Variants in LRP1B observed in about 807,000 individuals in gnomAD.
LRP1B encodes the protein LDL receptor related protein 1B, also known as low-density lipoprotein receptor-related protein 1B.
LRP1B carries 217 observed loss-of-function variants against 556.6 expected under a neutral mutation model. That is an observed-to-expected ratio of 0.39 (90% CI 0.35 to 0.44). LRP1B has a LOEUF of 0.44. LRP1B is among the 20% of genes least tolerant of loss of function. LRP1B has a pLI of 1.00. For missense variants in LRP1B, 5,053 were observed against 5,620.8 expected (o/e 0.90, Z 3.23); for synonymous variants, 2,047 against 1,865.8 (o/e 1.10, Z -2.50).
At position 141,911,360 on chromosome 2, in the gene LRP1B, A is replaced by T. The variant is rs990976512; in HGVS notation, c.83-100959T>A. 3.3e-5 allele frequency among the ~76,000 whole-genome samples: 5 copies of T among 152,158 alleles called. No individual in the cohort carries two copies. The South Asian group carries it at 6.2e-4, about 19-fold the overall frequency. Reference sequence around the variant, plus strand: ...AAATTATCTTTCTTGAAAATTCCCGAAGTCATATAAGTAAAAGACTCTTTA... The same window carrying T: ...AAATTATCTTTCTTGAAAATTCCCGTAGTCATATAAGTAAAAGACTCTTTA... On this transcript the variant is annotated intron_variant, in intron 1 of 90. Coordinates refer to ENST00000389484, the MANE Select transcript of LRP1B (RefSeq NM_018557.3).
chr2:141,266,352 A>G (rs1345645403), intron 3 of LRP1B, among the ~76,000 whole-genome samples: 1 of 150,722 alleles, frequency 6.6e-6, no homozygotes, highest in African/African-American at 2.4e-5. Context: ...AAGAATATGC[A>G]TATATGCATA....
intron 2 of LRP1B, among the ~76,000 whole-genome samples, chr2:141,533,638 AACT>A (rs1684967221): frequency 6.6e-6 from 1 of 152,176 alleles, no homozygotes; most frequent in Admixed American, 6.6e-5. Context: ...GGACACCATT[AACT>A]TATACTGTCA....
chr2:140,413,788 T>C (rs748771043), intron 66 of LRP1B, among the ~76,000 whole-genome samples: 9 of 152,154 alleles, frequency 5.9e-5, no homozygotes, highest in Non-Finnish European at 1.0e-4. Context: ...TTTCAGAAAG[T>C]TTGCAAGGCT....
intron 7 of LRP1B, among the ~76,000 whole-genome samples, chr2:141,086,636 G>A (rs1330217133): frequency 6.6e-6 from 1 of 151,708 alleles, no homozygotes; most frequent in African/African-American, 2.4e-5. Context: ...GTGTGTGTGT[G>A]TGTGTGTGTG....
At chr2:140,324,904 T>TA (rs35622188) in intron 80 of LRP1B, among the ~76,000 whole-genome samples, 101 of 144,740 alleles carry the variant, frequency 7.0e-4, no homozygotes, top group East Asian at 1.8e-3. Flanking sequence ...GGCCATTGAT[T>TA]AAAAAAAAAA....
chr2:141,252,700 C>T (rs1250739591), intron 4 of LRP1B, among the ~76,000 whole-genome samples: 1 of 152,064 alleles, frequency 6.6e-6, no homozygotes, highest in Non-Finnish European at 1.5e-5. Context: ...TTCTACTTAG[C>T]CAGAATGCAC....
chr2:141,030,723 A>G (rs1304366909), intron 11 of LRP1B, among the ~76,000 whole-genome samples: 2 of 152,092 alleles, frequency 1.3e-5, no homozygotes, highest in Non-Finnish European at 2.9e-5. Flanking sequence ...TATTTCTTCA[A>G]GTTATCTAAA....
intron 1 of LRP1B, among the ~76,000 whole-genome samples, chr2:141,815,406 C>G (rs1249295558): frequency 6.6e-6 from 1 of 152,122 alleles, no homozygotes; most frequent in African/African-American, 2.4e-5. Flanking sequence ...TAAAATGCAC[C>G]AATCAGCACT....
At chr2:141,331,635 A>G (rs1687662254) in intron 3 of LRP1B, among the ~76,000 whole-genome samples, 1 of 151,882 alleles carries the variant, frequency 6.6e-6, no homozygotes, top group Admixed American at 6.6e-5. Flanking sequence ...AACACTGATC[A>G]TTCTCCCTTC....
At chr2:141,773,649 C>T (rs1558866519) in intron 2 of LRP1B, among the ~76,000 whole-genome samples, 2 of 152,194 alleles carry the variant, frequency 1.3e-5, no homozygotes, top group South Asian at 4.1e-4. Flanking sequence ...CTGCTAACTC[C>T]CAAAAGCACA....
chr2:140,589,665 T>C (rs1297288772), intron 43 of LRP1B, among the ~76,000 whole-genome samples: 1 of 152,212 alleles, frequency 6.6e-6, no homozygotes, highest in Non-Finnish European at 1.5e-5. Context: ...CCAGAGAATT[T>C]TACTGAATGG....
At chr2:141,038,535 G>A (rs1477404552) in intron 11 of LRP1B, among the ~76,000 whole-genome samples, 1 of 152,002 alleles carries the variant, frequency 6.6e-6, no homozygotes, top group Non-Finnish European at 1.5e-5. Context: ...AAACATACTG[G>A]TTACACAATG....
chr2:140,724,428 G>T (rs1296084920), intron 35 of LRP1B, among the ~76,000 whole-genome samples: 3 of 152,162 alleles, frequency 2.0e-5, no homozygotes, highest in Non-Finnish European at 4.4e-5. Flanking sequence ...ACAAGTTTAT[G>T]TTTAGCTTAT....
Position 140,366,710 on chromosome 2 carries a change from G to C in LRP1B, c.11009-1927C>G, listed in dbSNP as rs533655419. ...ATGTAACTAATGCTAAGCAGGTTTA[G>C]TGAAATGGTGGTTGGTTTAATGAAA... On this transcript the variant is annotated intron_variant, in intron 71 of 90. Coordinates refer to ENST00000389484, the MANE Select transcript of LRP1B (RefSeq NM_018557.3). 7.9e-5 allele frequency among the ~76,000 whole-genome samples: 12 copies of C among 151,820 alleles called. No homozygotes were observed. The South Asian group carries it at 2.5e-3, about 31-fold the overall frequency.
At chr2:140,532,671 A>G in intron 47 of LRP1B, among the ~76,000 whole-genome samples, 1 of 151,982 alleles carries the variant, frequency 6.6e-6, no homozygotes, top group Non-Finnish European at 1.5e-5. Flanking sequence ...CTGGGATTAC[A>G]GGCATGAGCC....
chr2:141,286,740 A>G, intron 3 of LRP1B: 1 of 445,356 alleles, frequency 2.2e-6, no homozygotes, highest in African/African-American at 2.0e-5. Context: ...GAATTTGTAC[A>G]TTGAATTTGT....
rs1222446596 is a variant in LRP1B at position 141,134,015 on chromosome 2, G to A, written c.1013+54406C>T. ...CATGCATACCCAGAGAGAGGGACTT[G>A]ATCTCTTACTCTTTTATTTCCTTTC... is the stretch of plus-strand genomic sequence containing the variant. On this transcript the variant is annotated intron_variant, in intron 7 of 90. Coordinates refer to ENST00000389484, the MANE Select transcript of LRP1B (RefSeq NM_018557.3). Among the ~76,000 whole-genome samples the A allele has an allele frequency of 2.0e-5, 3 of 151,822 alleles. No individual in the cohort carries two copies. In the East Asian group the frequency reaches 5.8e-4, roughly 30 times the overall value.
chr2:141,664,670 G>T (rs1312926558), intron 2 of LRP1B, among the ~76,000 whole-genome samples: 1 of 151,940 alleles, frequency 6.6e-6, no homozygotes, highest in Non-Finnish European at 1.5e-5. Context: ...ACTTCTTCAA[G>T]AAGAACCACA....
At chr2:141,716,333 T>C (rs1692584496) in intron 2 of LRP1B, among the ~76,000 whole-genome samples, 1 of 152,322 alleles carries the variant, frequency 6.6e-6, no homozygotes, top group East Asian at 1.9e-4. Context: ...TGGGTCTTTT[T>C]ATACCTTAGC....
Sources: allele counts gnomAD v4.1 joint callset (sites outside exome capture counted in the v4.1 genomes callset), GRCh38; gene constraint gnomAD v4.1.1; transcripts MANE v1.5; gene names NCBI Gene and HGNC (gene_info 2026-07-23, HGNC 2026-07-21).